Variants in CNTNAP2 observed in about 807,000 individuals in gnomAD.
The protein encoded by CNTNAP2 is contactin-associated protein-like 2.
CNTNAP2 carries 98 observed loss-of-function variants against 155.2 expected under a neutral mutation model. The observed-to-expected ratio is 0.63, with a 90% CI of 0.54 to 0.75. The LOEUF is 0.75. CNTNAP2 is among the 30% of genes least tolerant of loss of function. The pLI is 0.00. For synonymous variants in CNTNAP2, 651 were observed against 631.2 expected, an observed-to-expected ratio of 1.03 and a Z score of -0.47; for missense variants, 1,727 against 1,688.1, an observed-to-expected ratio of 1.02 and a Z score of -0.40.
At chr7:147,365,100 G>C (rs1584901783) in intron 9 of CNTNAP2, among the ~76,000 whole-genome samples, 1 of 152,038 alleles carries the variant, frequency 6.6e-6, no homozygotes, top group Non-Finnish European at 1.5e-5. Flanking sequence ...AGTTTTTCCT[G>C]TTTTTAAAAC....
At chr7:148,391,878 C>G (rs924704095) in intron 22 of CNTNAP2, among the ~76,000 whole-genome samples, 1 of 152,174 alleles carries the variant, frequency 6.6e-6, no homozygotes, top group Admixed American at 6.5e-5. Context: ...AAACTGCACA[C>G]CAAGCTGCTT....
chr7:146,648,086 C>T (rs537833912), intron 1 of CNTNAP2, among the ~76,000 whole-genome samples: 4 of 152,202 alleles, frequency 2.6e-5, no homozygotes, highest in Non-Finnish European at 4.4e-5. Context: ...ATGAGGCTTC[C>T]GTATCACAGG....
At chr7:148,225,723 T>A (rs1310023173) in intron 19 of CNTNAP2, among the ~76,000 whole-genome samples, 1 of 152,090 alleles carries the variant, frequency 6.6e-6, no homozygotes, top group Non-Finnish European at 1.5e-5. Context: ...ACTGGTGGCT[T>A]GGTCCAGGGG....
chr7:148,283,255 A>AGAAAAGAAAAGAAAAG (rs1277840999), intron 21 of CNTNAP2, among the ~76,000 whole-genome samples: 9 of 63,626 alleles, frequency 1.4e-4, no homozygotes, highest in East Asian at 6.0e-4. Flanking sequence ...AAAAAAAAAA[A>AGAAAAGAAAAGAAAAG]AAAGAAAGAA....
At chr7:146,721,796 A>G (rs1162222057) in intron 1 of CNTNAP2, among the ~76,000 whole-genome samples, 2 of 123,614 alleles carry the variant, frequency 1.6e-5, no homozygotes, top group Non-Finnish European at 3.2e-5. Flanking sequence ...GTCTACATAT[A>G]TAGACTATAT....
intron 9 of CNTNAP2, among the ~76,000 whole-genome samples, chr7:147,351,857 T>C (rs1284461000): frequency 6.6e-6 from 1 of 151,900 alleles, no homozygotes; most frequent in Non-Finnish European, 1.5e-5. Flanking sequence ...AAGAAGTTCT[T>C]ATAAATTAAA....
intron 10 of CNTNAP2, among the ~76,000 whole-genome samples, chr7:147,463,958 T>TCAAA: frequency 1.2e-5 from 1 of 82,968 alleles, no homozygotes. Context: ...GCCCCACTAC[T>TCAAA]AAAAAAAAAA....
chr7:147,261,390 C>G (rs1276505183), intron 8 of CNTNAP2, among the ~76,000 whole-genome samples: 1 of 152,122 alleles, frequency 6.6e-6, no homozygotes, highest in African/African-American at 2.4e-5. Flanking sequence ...ACCCTCTACC[C>G]CCAGAGATTC....
At chr7:148,201,185 T>C (rs552968528) in intron 18 of CNTNAP2, among the ~76,000 whole-genome samples, 1 of 152,292 alleles carries the variant, frequency 6.6e-6, no homozygotes, top group East Asian at 1.9e-4. Flanking sequence ...TTGGAAAGGG[T>C]GTGTTTGGTG....
chr7:146,218,063 G>C (rs1472670294), intron 1 of CNTNAP2, among the ~76,000 whole-genome samples: 1 of 152,102 alleles, frequency 6.6e-6, no homozygotes, highest in African/African-American at 2.4e-5. Flanking sequence ...CACCTTCCCA[G>C]GTGTGCTATC....
intron 1 of CNTNAP2, among the ~76,000 whole-genome samples, chr7:146,738,288 C>A (rs896456325): frequency 1.3e-5 from 2 of 151,770 alleles, no homozygotes; most frequent in Non-Finnish European, 1.5e-5. Context: ...TTTTCATATA[C>A]CTGTTGGCTA....
At chr7:146,755,128 G>A (rs1801973280) in intron 1 of CNTNAP2, among the ~76,000 whole-genome samples, 1 of 151,940 alleles carries the variant, frequency 6.6e-6, no homozygotes, top group South Asian at 2.1e-4. Context: ...AGTTGAGGAT[G>A]TAATTGGAAT....
At chr7:146,301,280 A>G (rs1292323743) in intron 1 of CNTNAP2, among the ~76,000 whole-genome samples, 1 of 152,184 alleles carries the variant, frequency 6.6e-6, no homozygotes. Context: ...AAAGAAGACT[A>G]TTCCATAATT....
chr7:147,902,935 CAT>C (rs1799897173), intron 13 of CNTNAP2, among the ~76,000 whole-genome samples: 1 of 151,918 alleles, frequency 6.6e-6, no homozygotes, highest in Non-Finnish European at 1.5e-5. Flanking sequence ...GCTATAAACA[CAT>C]GTGTGCAAGT....
chr7:148,191,864 T>A (rs1305191105), intron 18 of CNTNAP2, among the ~76,000 whole-genome samples: 1 of 152,226 alleles, frequency 6.6e-6, no homozygotes, highest in Non-Finnish European at 1.5e-5. Context: ...AGTTTACTTC[T>A]GTTTCCTTCC....
chr7:146,511,183 C>A (rs1797460784), intron 1 of CNTNAP2, among the ~76,000 whole-genome samples: 1 of 152,216 alleles, frequency 6.6e-6, no homozygotes, highest in South Asian at 2.1e-4. Flanking sequence ...CAGGCATGTG[C>A]CACTGCACCC....
intron 8 of CNTNAP2, among the ~76,000 whole-genome samples, chr7:147,151,013 G>A (rs1414497487): frequency 6.6e-6 from 1 of 152,170 alleles, no homozygotes; most frequent in Non-Finnish European, 1.5e-5. Context: ...ACTAAGAGGT[G>A]CTTGATGTAT....
intron 1 of CNTNAP2, among the ~76,000 whole-genome samples, chr7:146,418,698 TA>T (rs1159058435): frequency 5.3e-5 from 8 of 152,136 alleles, no homozygotes; most frequent in African/African-American, 1.9e-4. Flanking sequence ...CAATGTTATA[TA>T]AAATACTATC....
At chr7:146,199,586 T>C (rs1798827385) in intron 1 of CNTNAP2, among the ~76,000 whole-genome samples, 1 of 152,200 alleles carries the variant, frequency 6.6e-6, no homozygotes, top group South Asian at 2.1e-4. Flanking sequence ...GAAAATATCC[T>C]GTTTTGTCCC....
Sources: gnomAD v4.1 joint callset for allele counts (sites outside exome capture counted in the v4.1 genomes callset) on GRCh38, gnomAD v4.1.1 for gene constraint, MANE v1.5 for transcripts, NCBI Gene and HGNC (gene_info 2026-07-23, HGNC 2026-07-21) for gene names.